Variants in CLSTN2 observed in about 807,000 individuals in gnomAD.
CLSTN2 encodes calsyntenin-2.
In CLSTN2, 48 loss-of-function variants were observed where a neutral mutation model predicts 101.2. The ratio of observed to expected loss-of-function variants is 0.47; its 90% CI spans 0.38 to 0.60. CLSTN2 has a LOEUF of 0.60. Ranked by LOEUF, CLSTN2 falls within the 20% of genes least tolerant of loss-of-function variation. CLSTN2 has a pLI of 0.00. For synonymous variants in CLSTN2, 481 were observed against 463.6 expected (o/e 1.04, Z -0.48); for missense variants, 1,160 against 1,238.2 (o/e 0.94, Z 0.95).
At chr3:140,077,245 C>T (rs1201390616) in intron 1 of CLSTN2, among the ~76,000 whole-genome samples, 1 of 152,178 alleles carries the variant, frequency 6.6e-6, no homozygotes, top group Non-Finnish European at 1.5e-5. Flanking sequence ...TCCTAGCTCT[C>T]TTCTGGGCCT....
chr3:140,349,592 G>A (rs191541232), intron 2 of CLSTN2, among the ~76,000 whole-genome samples: 68 of 152,234 alleles, frequency 4.5e-4, no homozygotes, highest in African/African-American at 1.6e-3. Context: ...TGCAGTATTG[G>A]GTGTGGTATG....
At position 140,300,726 on chromosome 3, in the gene CLSTN2, T is replaced by A. The variant is rs142891746; in HGVS notation, c.233-102903T>A. On this transcript the variant is annotated intron_variant, in intron 2 of 16. Coordinates refer to ENST00000458420, the MANE Select transcript of CLSTN2 (RefSeq NM_022131.3). ...ATATCTTTACACTCTTAAAAATTAT[T>A]ACTGAGGGCCACAAAGAACTTATTT... 2.0e-3 allele frequency among the ~76,000 whole-genome samples: 297 copies of A among 152,268 alleles called. 3 individuals carry two copies. Among genetic ancestry groups the A allele is most frequent in the African/African-American group, 6.8e-3 (283 of 41,550 alleles).
chr3:140,275,423 G>A (rs1027582684), intron 2 of CLSTN2, among the ~76,000 whole-genome samples: 1 of 152,024 alleles, frequency 6.6e-6, no homozygotes, highest in Non-Finnish European at 1.5e-5. Context: ...TGAAACTACA[G>A]GCACCCAGCT....
At chr3:140,055,851 C>T (rs2008086359) in intron 1 of CLSTN2, among the ~76,000 whole-genome samples, 1 of 152,160 alleles carries the variant, frequency 6.6e-6, no homozygotes, top group Admixed American at 6.5e-5. Context: ...GGAGCAGAGC[C>T]TTAGATCAAA....
intron 2 of CLSTN2, among the ~76,000 whole-genome samples, chr3:140,177,298 G>T (rs747639911): frequency 1.3e-5 from 2 of 152,150 alleles, no homozygotes; most frequent in Non-Finnish European, 2.9e-5. Context: ...TAAACTCCTT[G>T]CAGTCTTTAC....
chr3:140,034,916 G>C (rs1176264140), intron 1 of CLSTN2, among the ~76,000 whole-genome samples: 1 of 152,196 alleles, frequency 6.6e-6, no homozygotes, highest in Non-Finnish European at 1.5e-5. Flanking sequence ...CAGAAGTTAG[G>C]ATCTAAGTAT....
intron 1 of CLSTN2, among the ~76,000 whole-genome samples, chr3:139,983,559 A>T (rs138018985): frequency 6.6e-6 from 1 of 152,184 alleles, no homozygotes; most frequent in Non-Finnish European, 1.5e-5. Flanking sequence ...GGATTATTTC[A>T]TAGTAATAAC....
At chr3:140,430,136 G>T (rs2088613716) in intron 5 of CLSTN2, among the ~76,000 whole-genome samples, 1 of 152,180 alleles carries the variant, frequency 6.6e-6, no homozygotes, top group African/African-American at 2.4e-5. Context: ...TGGAAAGTGG[G>T]CTCAGGGCAT....
chr3:140,140,598 G>A lies in CLSTN2; in HGVS notation c.110-35353G>A, dbSNP rs565883730. 2.0e-5 allele frequency among the ~76,000 whole-genome samples: 3 copies of A among 152,236 alleles called. No individual in the cohort carries two copies. The South Asian group carries it at 6.2e-4, about 32-fold the overall frequency. On this transcript the variant is annotated intron_variant, in intron 1 of 16. Transcript: ENST00000458420. ...TCACATTTCAACACGAGACCTGGAGGGGACAAATATCCAAACCATTTCAAT... is the reference window on the plus strand; with the variant it reads ...TCACATTTCAACACGAGACCTGGAGAGGACAAATATCCAAACCATTTCAAT...
At chr3:140,268,892 C>T (rs372799817) in intron 2 of CLSTN2, among the ~76,000 whole-genome samples, 10 of 152,180 alleles carry the variant, frequency 6.6e-5, no homozygotes, top group African/African-American at 2.2e-4. Flanking sequence ...ACCTTGATTG[C>T]TGTGATCGGC....
intron 2 of CLSTN2, among the ~76,000 whole-genome samples, chr3:140,344,798 C>T (rs2087528027): frequency 6.6e-6 from 1 of 152,174 alleles, no homozygotes; most frequent in Admixed American, 6.5e-5. Context: ...AATGTTGACC[C>T]ACATCTTATC....
At chr3:140,357,429 C>T (rs905284777) in intron 2 of CLSTN2, among the ~76,000 whole-genome samples, 3 of 152,262 alleles carry the variant, frequency 2.0e-5, no homozygotes, top group Admixed American at 6.5e-5. Context: ...CCCCTCCAGA[C>T]GTCTTTCCAA....
chr3:140,270,620 G>A (rs959054383), intron 2 of CLSTN2, among the ~76,000 whole-genome samples: 4 of 152,152 alleles, frequency 2.6e-5, no homozygotes, highest in Non-Finnish European at 5.9e-5. Context: ...GTAGACAGGA[G>A]GATGGGGGAA....
chr3:140,177,626 C>A (rs1018844896), intron 2 of CLSTN2, among the ~76,000 whole-genome samples: 6 of 151,896 alleles, frequency 4.0e-5, no homozygotes, highest in Non-Finnish European at 7.4e-5. Context: ...CCCATCTCTA[C>A]AAAATAATAA....
At chr3:140,131,861 C>T (rs542290531) in intron 1 of CLSTN2, among the ~76,000 whole-genome samples, 18 of 151,986 alleles carry the variant, frequency 1.2e-4, no homozygotes, top group African/African-American at 2.4e-4. Context: ...GCACCGAGAG[C>T]GGGCTAAAAC....
At chr3:140,223,516 C>T (rs763287593) in intron 2 of CLSTN2, among the ~76,000 whole-genome samples, 12 of 152,074 alleles carry the variant, frequency 7.9e-5, no homozygotes, top group Non-Finnish European at 1.5e-4. Context: ...TTCCAGTTTC[C>T]GAAGAAGGAT....
At chr3:140,517,734 G>A (rs1162462660) in intron 8 of CLSTN2, among the ~76,000 whole-genome samples, 2 of 152,158 alleles carry the variant, frequency 1.3e-5, no homozygotes, top group Admixed American at 1.3e-4. Flanking sequence ...GGGGAATCAG[G>A]TGGACTCTGT....
Position 140,490,117 on chromosome 3 carries a change from TACACACACAC to T in CLSTN2, c.1344+23422_1344+23431del, listed in dbSNP as rs71637079. Among the ~76,000 whole-genome samples the T allele has an allele frequency of 9.8e-3, 19 of 1,948 alleles. 6 individuals are homozygous for T. The highest frequency in any genetic ancestry group is 0.071 in the South Asian group (2 of 28). The allele number at this position is 1,948 out of a possible 152,430, so 1.3% of individuals were successfully genotyped here. On this transcript the variant is annotated intron_variant, in intron 8 of 16. Transcript: ENST00000458420. Reference sequence around the variant, plus strand: ...ATATATATATATATATATATATATATACACACACACACACACACACACACACACACACACA... The same window carrying T: ...ATATATATATATATATATATATATATACACACACACACACACACACACACA...
chr3:140,235,701 G>A (rs2086410637), intron 2 of CLSTN2, among the ~76,000 whole-genome samples: 1 of 152,154 alleles, frequency 6.6e-6, no homozygotes, highest in Non-Finnish European at 1.5e-5. Context: ...AGCTAGGAGA[G>A]GTAGGGGTTA....
Sources: gnomAD v4.1 joint callset for allele counts (sites outside exome capture counted in the v4.1 genomes callset) on GRCh38, gnomAD v4.1.1 for gene constraint, MANE v1.5 for transcripts, NCBI Gene and HGNC (gene_info 2026-07-23, HGNC 2026-07-21) for gene names.